Variants in PDZD2 observed in about 807,000 individuals in gnomAD.
The protein encoded by PDZD2 is PDZ domain-containing protein 2.
PDZD2 carries 90 observed loss-of-function variants against 220.7 expected under a neutral mutation model. The ratio of observed to expected loss-of-function variants is 0.41; its 90% CI spans 0.34 to 0.49. PDZD2 has a LOEUF of 0.49. PDZD2 is among the 20% of genes least tolerant of loss of function. PDZD2 has a pLI of 0.28. For missense variants in PDZD2, 3,174 were observed against 3,608.5 expected (o/e 0.88, Z 3.08); for synonymous variants, 1,375 against 1,450.5 (o/e 0.95, Z 1.18).
intron 1 of PDZD2, among the ~76,000 whole-genome samples, chr5:31,761,760 C>T (rs1751668468): frequency 6.6e-6 from 1 of 151,316 alleles, no homozygotes; most frequent in African/African-American, 2.4e-5. Context: ...ACTTGAGAGG[C>T]TGAGACAGGA....
chr5:31,932,010 G>T (rs761636113), intron 2 of PDZD2, among the ~76,000 whole-genome samples: 1 of 152,154 alleles, frequency 6.6e-6, no homozygotes, highest in Non-Finnish European at 1.5e-5. Context: ...TGCACAATTG[G>T]CAGGGTGTTC....
chr5:31,943,203 C>A (rs1342709647), intron 2 of PDZD2, among the ~76,000 whole-genome samples: 18 of 146,076 alleles, frequency 1.2e-4, no homozygotes, highest in Non-Finnish European at 9.1e-5. Context: ...ACTGTGTCTC[C>A]AAAAAAAAAA....
At chr5:31,809,994 G>A (rs957017100) in intron 2 of PDZD2, among the ~76,000 whole-genome samples, 6 of 152,126 alleles carry the variant, frequency 3.9e-5, no homozygotes, top group African/African-American at 1.2e-4. Flanking sequence ...TAAGACACTC[G>A]CTTTTAAACT....
At chr5:31,697,326 G>C (rs898609666) in intron 1 of PDZD2, among the ~76,000 whole-genome samples, 1 of 152,170 alleles carries the variant, frequency 6.6e-6, no homozygotes, top group African/African-American at 2.4e-5. Flanking sequence ...AGCCAGGCGT[G>C]GTGGCGGGCA....
intron 1 of PDZD2, among the ~76,000 whole-genome samples, chr5:31,678,923 C>T (rs66844628): frequency 0.19 from 28,401 of 151,878 alleles, 2,783 homozygotes; most frequent in Middle Eastern, 0.23. Context: ...TCTTTTTTTT[C>T]CCCCCTTTTT....
At chr5:31,677,694 C>G (rs1161501360) in intron 1 of PDZD2, among the ~76,000 whole-genome samples, 4 of 151,928 alleles carry the variant, frequency 2.6e-5, no homozygotes, top group African/African-American at 9.7e-5. Flanking sequence ...AAGAAATGAG[C>G]TATTGACACA....
chr5:31,716,907 G>A (rs1748483318), intron 1 of PDZD2, among the ~76,000 whole-genome samples: 9 of 152,196 alleles, frequency 5.9e-5, no homozygotes, highest in Admixed American at 5.9e-4. Context: ...GATGATTAGG[G>A]CAGGGGGCCC....
chr5:31,725,502 G>A, intron 1 of PDZD2: 3 of 1,258,078 alleles, frequency 2.4e-6, no homozygotes, highest in Non-Finnish European at 3.3e-6. Flanking sequence ...AATGATCCAT[G>A]TCTAAAAATG....
intron 1 of PDZD2, among the ~76,000 whole-genome samples, chr5:31,660,400 T>C (rs1260667894): frequency 6.6e-6 from 1 of 152,148 alleles, no homozygotes; most frequent in African/African-American, 2.4e-5. Flanking sequence ...CACACTGCTA[T>C]GAAGAAATAC....
intron 2 of PDZD2, among the ~76,000 whole-genome samples, 171 bp downstream of exon 2, chr5:31,799,895 A>T (rs35213564): frequency 0.28 from 41,862 of 152,036 alleles, 6,159 homozygotes; most frequent in African/African-American, 0.34. Context: ...CTTCAACTGG[A>T]GCACCAAAGG....
At chr5:32,086,782 T>G (rs1742501753) in intron 19 of PDZD2, among the ~76,000 whole-genome samples, 1 of 151,468 alleles carries the variant, frequency 6.6e-6, no homozygotes, top group Non-Finnish European at 1.5e-5. Context: ...GTTCAAGCAA[T>G]TCTCCTGCCT....
At chr5:32,017,045 G>A (rs1039071851) in intron 6 of PDZD2, among the ~76,000 whole-genome samples, 6 of 152,160 alleles carry the variant, frequency 3.9e-5, no homozygotes, top group African/African-American at 9.7e-5. Context: ...GATGGGGGAT[G>A]GTTGGTGTAC....
intron 2 of PDZD2, among the ~76,000 whole-genome samples, chr5:31,952,118 A>G (rs1747233772): frequency 6.6e-6 from 1 of 152,240 alleles, no homozygotes. Flanking sequence ...TAATTATTAC[A>G]TAAATAGGGA....
At chr5:32,012,421 TC>T (rs1753399776) in intron 6 of PDZD2, among the ~76,000 whole-genome samples, 1 of 152,160 alleles carries the variant, frequency 6.6e-6, no homozygotes. Context: ...TCTTGCTCTG[TC>T]GCCCAGACTG....
intron 1 of PDZD2, among the ~76,000 whole-genome samples, chr5:31,727,911 G>A (rs1415535247): frequency 1.3e-5 from 2 of 149,738 alleles, no homozygotes; most frequent in Non-Finnish European, 3.0e-5. Context: ...GCTGAGGCAG[G>A]AGAATGGTGT....
At chr5:31,857,456 G>A (rs1372818569) in intron 2 of PDZD2, among the ~76,000 whole-genome samples, 1 of 152,148 alleles carries the variant, frequency 6.6e-6, no homozygotes, top group Non-Finnish European at 1.5e-5. Flanking sequence ...AGAGGACATG[G>A]GAGGCAAGTT....
intron 2 of PDZD2, among the ~76,000 whole-genome samples, chr5:31,896,137 T>TG (rs1741527163): frequency 6.6e-6 from 1 of 152,014 alleles, no homozygotes; most frequent in African/African-American, 2.4e-5. Flanking sequence ...CACGTGACCC[T>TG]CTCTGACACC....
chr5:31,723,302 G>A (rs1175707482), intron 1 of PDZD2, among the ~76,000 whole-genome samples: 1 of 141,688 alleles, frequency 7.1e-6, no homozygotes, highest in East Asian at 2.2e-4. Flanking sequence ...ATTTCTGTAA[G>A]CAAGCAATCT....
intron 2 of PDZD2, among the ~76,000 whole-genome samples, chr5:31,936,614 T>C (rs941480296): frequency 1.3e-5 from 2 of 152,178 alleles, no homozygotes; most frequent in South Asian, 4.1e-4. Context: ...CTTTTTTAAT[T>C]TAAACTCATT....
Sources: allele counts gnomAD v4.1 joint callset (sites outside exome capture counted in the v4.1 genomes callset), GRCh38; gene constraint gnomAD v4.1.1; transcripts MANE v1.5; gene names NCBI Gene and HGNC (gene_info 2026-07-23, HGNC 2026-07-21).